The following PASD1 variants were observed in gnomAD, a reference collection of about 807,000 sequenced individuals.
PASD1 encodes the protein circadian clock protein PASD1.
In PASD1, 13 loss-of-function variants were observed where a neutral mutation model predicts 58.8. The ratio of observed to expected loss-of-function variants is 0.22; its 90% CI spans 0.14 to 0.35. PASD1 has a LOEUF of 0.35. Ranked by LOEUF, PASD1 falls within the 10% of genes least tolerant of loss-of-function variation. PASD1 has a pLI of 1.00. For synonymous variants in PASD1, 236 were observed against 216.7 expected, an observed-to-expected ratio of 1.09 and a Z score of -0.78; for missense variants, 734 against 568.3, an observed-to-expected ratio of 1.29 and a Z score of -2.96.
At chrX:151,635,564 G>A (rs1161195990) in intron 8 of PASD1, among the ~76,000 whole-genome samples, 1 of 111,848 alleles carries the variant, frequency 8.9e-6, no homozygotes, top group Admixed American at 9.5e-5. Flanking sequence ...CAAAGGCCTG[G>A]CCCCACTGTC....
intron 8 of PASD1, among the ~76,000 whole-genome samples, chrX:151,647,394 G>A (rs943828010): frequency 9.0e-6 from 1 of 110,723 alleles, no homozygotes; most frequent in Non-Finnish European, 1.9e-5. Context: ...TAAATAATAT[G>A]TGGGCAGATT....
intron 2 of PASD1, among the ~76,000 whole-genome samples, chrX:151,602,709 TAATAAG>T (rs1475811082): frequency 4.6e-5 from 4 of 86,062 alleles, no homozygotes; most frequent in African/African-American, 1.7e-4. Context: ...ATAATAATAA[TAATAAG>T]AAGAAGAAGA....
intron 7 of PASD1, among the ~76,000 whole-genome samples, chrX:151,624,162 A>G (rs182106761): frequency 8.9e-6 from 1 of 111,869 alleles, no homozygotes; most frequent in African/African-American, 3.2e-5. Context: ...AGTAATGGAG[A>G]TACAAGTATT....
At chrX:151,566,600 G>A (rs1324957681) in intron 1 of PASD1, among the ~76,000 whole-genome samples, 3 of 111,535 alleles carry the variant, frequency 2.7e-5, no homozygotes, top group Non-Finnish European at 5.6e-5. Flanking sequence ...TCCCTGTACA[G>A]GTTGATACCC....
At position 151,676,468 on chromosome X, in the gene PASD1, T is replaced by C. The variant is rs186357524; in HGVS notation, c.*325T>C. The C allele has an allele frequency of 2.7e-4, 58 of 213,094 alleles. No individual in the cohort carries two copies. Among genetic ancestry groups the C allele is most frequent in the African/African-American group, 1.6e-3 (54 of 34,135 alleles). The allele number at this position is 213,094 out of a possible 1,213,427, so 17.6% of individuals were successfully genotyped here. A position where few individuals can be genotyped will look rare whatever the true frequency, so the allele number is the denominator to read the frequency against. ...CCACAGGAAGGTGGCCTGCCAAGAG[T>C]CTGCTCAAAGTTTTCAACATAAAGA... On this transcript the variant is annotated 3_prime_UTR_variant, in exon 16 of 16. Coordinates refer to ENST00000370357, the MANE Select transcript of PASD1 (RefSeq NM_173493.3).
intron 1 of PASD1, among the ~76,000 whole-genome samples, chrX:151,586,143 G>C (rs1357953366): frequency 1.8e-5 from 2 of 111,678 alleles, no homozygotes; most frequent in African/African-American, 6.5e-5. Flanking sequence ...GCTTTCCTGG[G>C]CAAGAGTGAA....
chrX:151,629,165 G>A (rs1254809995), intron 8 of PASD1, among the ~76,000 whole-genome samples: 3 of 111,192 alleles, frequency 2.7e-5, no homozygotes, highest in African/African-American at 9.8e-5. Context: ...TGTCGCCCAG[G>A]CTGGAATGCA....
chrX:151,670,377 C>T (rs140416373), intron 11 of PASD1, among the ~76,000 whole-genome samples: 41 of 112,100 alleles, frequency 3.7e-4, no homozygotes, highest in African/African-American at 1.3e-3. Flanking sequence ...TTCTCCTCTA[C>T]GTGTGACCTG....
chrX:151,643,634 T>G (rs1276928274), intron 8 of PASD1, among the ~76,000 whole-genome samples: 1 of 111,642 alleles, frequency 9.0e-6, no homozygotes, highest in Non-Finnish European at 1.9e-5. Context: ...ATTGGACGTG[T>G]GACATGACAA....
intron 8 of PASD1, among the ~76,000 whole-genome samples, chrX:151,636,681 G>A (rs1344534484): frequency 1.8e-5 from 2 of 111,852 alleles, no homozygotes; most frequent in Non-Finnish European, 3.8e-5. Flanking sequence ...TAGGATTACA[G>A]GCATGAGCCA....
intron 1 of PASD1, among the ~76,000 whole-genome samples, chrX:151,587,895 T>C (rs1175485786): frequency 8.9e-6 from 1 of 112,344 alleles, no homozygotes; most frequent in African/African-American, 3.2e-5. Flanking sequence ...TGATAAAATA[T>C]TGTCTTATGA....
chrX:151,664,215 C>T lies in PASD1; in HGVS notation c.938C>T (p.Ser313Leu), dbSNP rs2014348406. 1 of 1,210,664 alleles carries T rather than the reference C, an allele frequency of 8.3e-7. No homozygotes were observed. The highest frequency in any genetic ancestry group is 1.8e-5 in the South Asian group (1 of 56,868). Residue 313 changes from serine to leucine, a missense_variant, in exon 11 of 16, where the codon TCA becomes TTA. Ser to Leu is a moderately radical substitution (Grantham distance 145, BLOSUM62 -2). Coordinates refer to ENST00000370357, the MANE Select transcript of PASD1 (RefSeq NM_173493.3). ...DLEFSVDQVD[S>L]VDQEGPMDQQ... ...GAGTTCTCGGTGGATCAGGTGGACT[C>T]AGTGGACCAGGAGGGCCCAATGGAC...
chrX:151,609,305 C>T (rs894542601), intron 3 of PASD1, among the ~76,000 whole-genome samples: 4 of 111,264 alleles, frequency 3.6e-5, no homozygotes, highest in South Asian at 3.7e-4. Flanking sequence ...TTTTTTATTA[C>T]GGTAAAATGT....
chrX:151,672,053 A>G (rs1275588902), intron 13 of PASD1, 130 bp from the exon 14 acceptor site: 2 of 1,001,521 alleles, frequency 2.0e-6, no homozygotes, highest in Non-Finnish European at 2.6e-6. Flanking sequence ...AGTCACACAG[A>G]TCACTATGTG....
intron 1 of PASD1, among the ~76,000 whole-genome samples, chrX:151,582,728 A>G (rs1464612438): frequency 1.8e-5 from 2 of 111,733 alleles, no homozygotes; most frequent in Non-Finnish European, 1.9e-5. Context: ...ACTCCTTGCT[A>G]TAGACCAGGA....
At chrX:151,600,047 G>A (rs1356150819) in intron 1 of PASD1, among the ~76,000 whole-genome samples, 12 of 112,230 alleles carry the variant, frequency 1.1e-4, no homozygotes, top group Non-Finnish European at 2.1e-4. Context: ...CAGATCACTC[G>A]CGGTCAGGAG....
intron 8 of PASD1, among the ~76,000 whole-genome samples, chrX:151,631,640 A>G (rs1434795897): frequency 2.7e-5 from 3 of 111,429 alleles, no homozygotes; most frequent in Admixed American, 9.5e-5. Context: ...ACTCTGCTAT[A>G]GGACTGGAAT....
chrX:151,566,707 G>GA (rs1328305364), intron 1 of PASD1, among the ~76,000 whole-genome samples: 1 of 111,919 alleles, frequency 8.9e-6, no homozygotes, highest in African/African-American at 3.2e-5. Flanking sequence ...TCCCTAATTT[G>GA]AAAATCTGAA....
At chrX:151,627,922 T>C (rs757969665) in intron 8 of PASD1, among the ~76,000 whole-genome samples, 3,390 of 111,686 alleles carry the variant, frequency 0.03, 73 homozygotes, top group Non-Finnish European at 0.047. Flanking sequence ...TGGTATCTCG[T>C]TGTGGTTTTG....
Sources: allele counts gnomAD v4.1 joint callset (sites outside exome capture counted in the v4.1 genomes callset), GRCh38; gene constraint gnomAD v4.1.1; transcripts MANE v1.5; gene names NCBI Gene and HGNC (gene_info 2026-07-23, HGNC 2026-07-21).